The following PHC2 variants were observed in gnomAD, a reference collection of about 807,000 sequenced individuals.
PHC2 encodes polyhomeotic-like protein 2.
A neutral mutation model predicts 87.4 loss-of-function variants in PHC2; 29 were observed. That is an observed-to-expected ratio of 0.33 (90% CI 0.25 to 0.45). The LOEUF (loss-of-function observed/expected upper bound fraction) is 0.45. PHC2 is among the 20% of genes least tolerant of loss of function. The pLI is 1.00. For missense variants in PHC2, 857 were observed against 1,136.7 expected (o/e 0.75, Z 3.54); for synonymous variants, 438 against 461.7 (o/e 0.95, Z 0.66).
At chr1:33,424,097 C>T (rs1183914207) in intron 1 of PHC2, among the ~76,000 whole-genome samples, 1 of 108,736 alleles carries the variant, frequency 9.2e-6, no homozygotes. Flanking sequence ...GACTCCGTCT[C>T]AAAAAAAAAA....
intron 9 of PHC2, among the ~76,000 whole-genome samples, chr1:33,344,096 C>T (rs903290887): frequency 6.6e-6 from 1 of 152,196 alleles, no homozygotes; most frequent in African/African-American, 2.4e-5. Flanking sequence ...CACTGCTTTA[C>T]TTAGAAAATA....
At chr1:33,423,927 T>C (rs1650558995) in intron 1 of PHC2, among the ~76,000 whole-genome samples, 1 of 151,970 alleles carries the variant, frequency 6.6e-6, no homozygotes, top group Admixed American at 6.5e-5. Flanking sequence ...TGAAACCACA[T>C]CTCTACCAAA....
At position 33,349,785 on chromosome 1, in the gene PHC2, G is replaced by C; in HGVS notation, c.1558+4616C>G. 1.0e-6 allele frequency: 1 copy of C among 978,416 alleles called. No individual in the cohort carries two copies. The highest frequency in any genetic ancestry group is 1.8e-5 in the African/African-American group (1 of 56,658). The allele number at this position is 978,416 out of a possible 1,614,324, so 60.6% of individuals were successfully genotyped here. The stretch of plus-strand genomic sequence containing the variant: ...GGCCGGCGTCAACAAAGGGCGGCCG[G>C]GGCGCGAGGCCGGGACGGGGGCGCG... On this transcript the variant is annotated intron_variant, in intron 9 of 14. Coordinates refer to ENST00000683057, the MANE Select transcript of PHC2 (RefSeq NM_001385109.1). This position sits in a 1 kb window ranked among gnomAD's most constrained non-coding sequence, Gnocchi z 4.2.
intron 1 of PHC2, among the ~76,000 whole-genome samples, chr1:33,397,463 A>G (rs1649342257): frequency 6.6e-6 from 1 of 152,228 alleles, no homozygotes; most frequent in Admixed American, 6.5e-5. Flanking sequence ...GTTTTGAGCC[A>G]TCCTCTTAAT....
At chr1:33,355,861 T>C (rs1000787628) in intron 7 of PHC2, among the ~76,000 whole-genome samples, 2 of 152,186 alleles carry the variant, frequency 1.3e-5, no homozygotes, top group Non-Finnish European at 2.9e-5. Flanking sequence ...CTTCCCAATC[T>C]AAAAATTGAA....
At chr1:33,424,867 A>G (rs1210493924) in intron 1 of PHC2, among the ~76,000 whole-genome samples, 1 of 152,204 alleles carries the variant, frequency 6.6e-6, no homozygotes, top group African/African-American at 2.4e-5. Context: ...GACCAAAACA[A>G]AAAGTCTGGG....
intron 7 of PHC2, chr1:33,363,927 G>A: frequency 2.0e-6 from 2 of 984,834 alleles, no homozygotes; most frequent in African/African-American, 3.5e-5. Flanking sequence ...AGTGAGAAGG[G>A]CAAGCCAGGC....
chr1:33,421,327 A>C (rs1157962191), intron 1 of PHC2, among the ~76,000 whole-genome samples: 1 of 152,198 alleles, frequency 6.6e-6, no homozygotes, highest in Non-Finnish European at 1.5e-5. Flanking sequence ...AGTAGGGCAA[A>C]GTGTGTGACT....
rs773316008 is a variant in PHC2 at position 33,334,380 on chromosome 1, C to G, written c.1559-88G>C. On this transcript the variant is annotated intron_variant, in intron 9 of 14. Coordinates refer to ENST00000683057, the MANE Select transcript of PHC2 (RefSeq NM_001385109.1). This position sits in a 1 kb window ranked among gnomAD's most constrained non-coding sequence, Gnocchi z 5.5. The stretch of plus-strand genomic sequence containing the variant: ...AGGGACAGCAAGGACTCAAACTGCG[C>G]CCGGCTTTTACCGTGGGGCCAAGCG... The G allele has an allele frequency of 1.9e-5, 23 of 1,236,268 alleles. No homozygotes were observed. Among genetic ancestry groups the G allele is most frequent in the Non-Finnish European group, 2.7e-5 (23 of 865,992 alleles). The allele number at this position is 1,236,268 out of a possible 1,614,324, so 76.6% of individuals were successfully genotyped here. A position where few individuals can be genotyped will look rare whatever the true frequency, so the allele number is the denominator to read the frequency against.
rs1239644765 is a variant in PHC2, at chr1:33,348,055, G to A, written c.1558+6346C>T. On this transcript the variant is annotated intron_variant, in intron 9 of 14. Coordinates refer to ENST00000683057, the MANE Select transcript of PHC2 (RefSeq NM_001385109.1). ...GGGCAGTACTTTACCTAAAATGGGA[G>A]CCAAATAAAAGTATGTTAAATCTAA... 2.6e-5 allele frequency among the ~76,000 whole-genome samples: 4 copies of A among 152,348 alleles called. No individual in the cohort carries two copies. The East Asian group carries it at 5.8e-4, about 22-fold the overall frequency.
intron 7 of PHC2, among the ~76,000 whole-genome samples, chr1:33,360,396 A>G (rs556630052): frequency 3.6e-4 from 55 of 152,402 alleles, no homozygotes; most frequent in African/African-American, 1.2e-3. Context: ...GCAGGATAGC[A>G]TAAGTGGATA....
chr1:33,354,170 C>T (rs1425018671), intron 9 of PHC2, among the ~76,000 whole-genome samples: 1 of 152,210 alleles, frequency 6.6e-6, no homozygotes, highest in Non-Finnish European at 1.5e-5. Flanking sequence ...CAGTGTCTGG[C>T]TCTAGAACTT....
In PHC2 at chr1:33,334,138, C is replaced by T. The variant is rs375486483; in HGVS notation, c.1713G>A (p.Thr571=). 28 of 1,613,920 alleles carry T rather than the reference C, an allele frequency of 1.7e-5. No individual in the cohort carries two copies. The highest frequency in any genetic ancestry group is 2.4e-5 in the Non-Finnish European group (28 of 1,179,950). Residue 571 remains threonine, a synonymous_variant, in exon 10 of 15, where the codon ACG becomes ACA. Coordinates refer to ENST00000683057, the MANE Select transcript of PHC2 (RefSeq NM_001385109.1). This position sits in a 1 kb window ranked among gnomAD's most constrained non-coding sequence, Gnocchi z 5.5. The part of the protein sequence containing the change: ...PQAIVKPQIL[T]HVIEGFVIQE... ...GGATCACAAACCCTTCGATAACATG[C>T]GTCAGGATTTGGGGTTTCACAATGG...
At chr1:33,390,685 A>ATT (rs10616049) in intron 1 of PHC2, among the ~76,000 whole-genome samples, 1 of 148,194 alleles carries the variant, frequency 6.7e-6, no homozygotes. Flanking sequence ...AGGAGTCAGC[A>ATT]TTTTTTTTTT....
intron 7 of PHC2, chr1:33,363,890 T>C (rs1208796925): frequency 2.0e-6 from 2 of 985,118 alleles, no homozygotes; most frequent in Non-Finnish European, 2.4e-6. Context: ...GCCTCTCTTC[T>C]GCCCTCCATT....
At chr1:33,402,989 A>AT (rs1167836133) in intron 1 of PHC2, among the ~76,000 whole-genome samples, 1 of 150,878 alleles carries the variant, frequency 6.6e-6, no homozygotes. Flanking sequence ...AATTTTTTTT[A>AT]TTTTTTTATT....
rs137877678 is a variant in PHC2 at position 33,428,901 on chromosome 1, C to G, written c.-55+2075G>C. Among the ~76,000 whole-genome samples the G allele has an allele frequency of 2.0e-3, 299 of 152,352 alleles. 2 individuals are homozygous for G. Among genetic ancestry groups the G allele is most frequent in the African/African-American group, 6.6e-3 (274 of 41,584 alleles). On this transcript the variant is annotated intron_variant, in intron 1 of 14. Transcript: ENST00000683057. ...TGGCACCATGCAACAGTGGGCTCAG[C>G]TGCATGTGCACGATTCATGGTCTCA... is the stretch of plus-strand genomic sequence containing the variant.
intron 7 of PHC2, among the ~76,000 whole-genome samples, chr1:33,358,332 G>C (rs1647132028): frequency 6.6e-6 from 1 of 152,038 alleles, no homozygotes; most frequent in South Asian, 2.1e-4. Flanking sequence ...AAAACTGAAA[G>C]CAATTGTTTT....
At chr1:33,411,634 C>T (rs1025472670) in intron 1 of PHC2, among the ~76,000 whole-genome samples, 1 of 152,076 alleles carries the variant, frequency 6.6e-6, no homozygotes, top group African/African-American at 2.4e-5. Flanking sequence ...GATCTCGGCT[C>T]ACTGTGACTT....
Sources: gnomAD v4.1 joint callset for allele counts (sites outside exome capture counted in the v4.1 genomes callset) on GRCh38, gnomAD v4.1.1 for gene constraint, Gnocchi (gnomAD v3.1) non-coding constraint, MANE v1.5 for transcripts, NCBI Gene and HGNC (gene_info 2026-07-23, HGNC 2026-07-21) for gene names.